The following CIB4 variants were observed in gnomAD, a reference collection of about 807,000 sequenced individuals.
CIB4 encodes the protein calcium and integrin binding family member 4, also known as calcium and integrin-binding family member 4.
In CIB4, 25 loss-of-function variants were observed where a neutral mutation model predicts 25.8. That is an observed-to-expected ratio of 0.97 (90% CI 0.71 to 1.35). The LOEUF (loss-of-function observed/expected upper bound fraction) is 1.35. Ranked by LOEUF, CIB4 falls within the 40% of genes most tolerant of loss-of-function variation. The pLI, the probability that CIB4 is intolerant of heterozygous loss-of-function variation, is 0.00. For missense variants in CIB4, 235 were observed against 228.2 expected (o/e 1.03, Z -0.19); for synonymous variants, 75 against 81.4 (o/e 0.92, Z 0.42).
At chr2:26,603,601 A>G (rs977841934) in intron 3 of CIB4, among the ~76,000 whole-genome samples, 10 of 152,228 alleles carry the variant, frequency 6.6e-5, no homozygotes, top group Admixed American at 3.9e-4. Flanking sequence ...GAATGCAACA[A>G]AATTAAACAC....
rs946838967 is a variant in CIB4 at position 26,638,441 on chromosome 2, T to C, written c.89+2092A>G. Reference sequence around the variant, plus strand: ...ACAAATGAAAATGGAGGATCGATGTTCGAGAGAGAGCCTGAACCCTTCCCA... The same window carrying C: ...ACAAATGAAAATGGAGGATCGATGTCCGAGAGAGAGCCTGAACCCTTCCCA... On this transcript the variant is annotated intron_variant, in intron 2 of 6. Coordinates refer to ENST00000288861, the MANE Select transcript of CIB4 (RefSeq NM_001029881.3). 2.6e-5 allele frequency among the ~76,000 whole-genome samples: 4 copies of C among 152,218 alleles called. No homozygotes were observed. The South Asian group carries it at 6.2e-4, about 24-fold the overall frequency.
chr2:26,594,364 G>T (rs1449829050), intron 4 of CIB4, among the ~76,000 whole-genome samples: 1 of 152,150 alleles, frequency 6.6e-6, no homozygotes, highest in Non-Finnish European at 1.5e-5. Flanking sequence ...GGCCTCATAG[G>T]TCCCTCTGGC....
intron 3 of CIB4, among the ~76,000 whole-genome samples, chr2:26,613,978 C>T (rs1200462052): frequency 3.3e-5 from 5 of 152,210 alleles, no homozygotes; most frequent in Non-Finnish European, 7.3e-5. Context: ...GCCATTCGGG[C>T]TGCTGGGAAG....
chr2:26,640,497 C>G, intron 2 of CIB4, 36 bp downstream of exon 2: 1 of 1,608,838 alleles, frequency 6.2e-7, no homozygotes, highest in South Asian at 1.1e-5. Context: ...GAGGGAGGAG[C>G]TGGGAGAAGG....
At chr2:26,604,235 C>T (rs191298307) in intron 3 of CIB4, among the ~76,000 whole-genome samples, 237 of 152,022 alleles carry the variant, frequency 1.6e-3, no homozygotes, top group African/African-American at 5.5e-3. Context: ...AAAAAATTAC[C>T]TGGGCATGGT....
intron 2 of CIB4, among the ~76,000 whole-genome samples, chr2:26,632,008 C>A (rs1669428476): frequency 6.6e-6 from 1 of 152,226 alleles, no homozygotes; most frequent in Non-Finnish European, 1.5e-5. Flanking sequence ...TTCAAAGATC[C>A]TGCTGAGTGT....
chr2:26,601,224 AAAAAAAAAT>A (rs1490799157), intron 3 of CIB4, among the ~76,000 whole-genome samples: 10 of 51,840 alleles, frequency 1.9e-4, no homozygotes, highest in Admixed American at 2.6e-4. Flanking sequence ...TGTCAAAAAA[AAAAAAAAAT>A]ATATATATAT....
chr2:26,589,084 T>TTCC (rs1668527009), intron 4 of CIB4, among the ~76,000 whole-genome samples: 4 of 91,586 alleles, frequency 4.4e-5, no homozygotes, highest in African/African-American at 1.8e-4. Context: ...CTTCTTCTTC[T>TTCC]TCTTCTTCTT....
intron 3 of CIB4, among the ~76,000 whole-genome samples, chr2:26,616,060 T>A (rs555265178): frequency 1.1e-4 from 16 of 152,296 alleles, no homozygotes; most frequent in Admixed American, 6.5e-4. Context: ...ATCAGCCATG[T>A]GACTGTGGTG....
intron 4 of CIB4, among the ~76,000 whole-genome samples, chr2:26,588,635 C>T (rs1180591961): frequency 1.3e-5 from 2 of 152,200 alleles, no homozygotes; most frequent in African/African-American, 2.4e-5. Flanking sequence ...CTCCTTTCAC[C>T]GTGACTTTTG....
At chr2:26,587,304 CAAAAAAAAAAAAA>C (rs71399396) in intron 4 of CIB4, among the ~76,000 whole-genome samples, 7 of 61,470 alleles carry the variant, frequency 1.1e-4, no homozygotes, top group South Asian at 9.8e-4. Flanking sequence ...GACTCCGTCT[CAAAAAAAAAAAAA>C]AAAAAAAAAA....
intron 3 of CIB4, among the ~76,000 whole-genome samples, chr2:26,605,153 C>T (rs1668863718): frequency 6.6e-6 from 1 of 151,834 alleles, no homozygotes; most frequent in African/African-American, 2.4e-5. Flanking sequence ...TCAAAGAAAT[C>T]ATGAATAATT....
intron 4 of CIB4, among the ~76,000 whole-genome samples, chr2:26,584,841 G>A (rs1668419832): frequency 6.6e-6 from 1 of 152,116 alleles, no homozygotes; most frequent in African/African-American, 2.4e-5. Context: ...GCAGCACCGG[G>A]ACTTCCCAGA....
Position 26,581,341 on chromosome 2 carries a change from A to G in CIB4, c.*22T>C, listed in dbSNP as rs771333692. 29 of 1,608,696 alleles carry G rather than the reference A, an allele frequency of 1.8e-5. No homozygotes were observed. In the South Asian group the frequency reaches 2.2e-4, roughly 12 times the overall value. ...TCCTGTGGTCTCCCTCGAGGCTGCC[A>G]TGTCAGGTGTTTGCCGCTACATCAG... On this transcript the variant is annotated 3_prime_UTR_variant, in exon 7 of 7. Coordinates refer to ENST00000288861, the MANE Select transcript of CIB4 (RefSeq NM_001029881.3).
chr2:26,601,287 T>C (rs1324136347), intron 3 of CIB4, among the ~76,000 whole-genome samples: 1 of 145,556 alleles, frequency 6.9e-6, no homozygotes, highest in Non-Finnish European at 1.5e-5. Flanking sequence ...AAGCCTTTAG[T>C]AATTAATGTG....
At chr2:26,601,625 A>G (rs1454120029) in intron 3 of CIB4, among the ~76,000 whole-genome samples, 1 of 152,184 alleles carries the variant, frequency 6.6e-6, no homozygotes, top group Non-Finnish European at 1.5e-5. Context: ...CTGTTTAACA[A>G]TATACAAAAG....
intron 4 of CIB4, 51 bp from the exon 5 acceptor site, chr2:26,583,949 G>C (rs1390403520): frequency 3.3e-6 from 4 of 1,229,980 alleles, no homozygotes. Context: ...GGCTAAACAG[G>C]AAGAGGACTT....
rs144822877 is a variant in CIB4, at chr2:26,604,925, AC to A, written c.187-9609del. 3.0e-4 allele frequency among the ~76,000 whole-genome samples: 45 copies of A among 152,340 alleles called. No homozygotes were observed. The East Asian group carries it at 7.9e-3, about 27-fold the overall frequency. On this transcript the variant is annotated intron_variant, in intron 3 of 6. Coordinates refer to ENST00000288861, the MANE Select transcript of CIB4 (RefSeq NM_001029881.3). Reference sequence around the variant, plus strand: ...CTTAAAAAGACTACCAATCAACGGGACCCAATTGATATTTTACAGAACACGC... The same window carrying A: ...CTTAAAAAGACTACCAATCAACGGGACCAATTGATATTTTACAGAACACGC...
chr2:26,596,512 G>A (rs145147759), intron 3 of CIB4, among the ~76,000 whole-genome samples: 1 of 152,278 alleles, frequency 6.6e-6, no homozygotes, highest in Non-Finnish European at 1.5e-5. Context: ...GGGTGGCCGA[G>A]GCAGGTGGAT....
Sources: gnomAD v4.1 joint callset for allele counts (sites outside exome capture counted in the v4.1 genomes callset) on GRCh38, gnomAD v4.1.1 for gene constraint, MANE v1.5 for transcripts, NCBI Gene and HGNC (gene_info 2026-07-23, HGNC 2026-07-21) for gene names.